FKBP5: variants seen among roughly 807,000 people sequenced by gnomAD.
FKBP5 encodes the protein FKBP prolyl isomerase 5.
In FKBP5, 23 loss-of-function variants were observed where a neutral mutation model predicts 50.5. The observed-to-expected ratio is 0.46, with a 90% CI of 0.33 to 0.65. The LOEUF (loss-of-function observed/expected upper bound fraction) is 0.65. Ranked by LOEUF, FKBP5 falls within the 30% of genes least tolerant of loss-of-function variation. The probability of loss-of-function intolerance (pLI) is 0.02; values close to 1 mark genes in which losing one functional copy is unlikely to be tolerated. For missense variants in FKBP5, 411 were observed against 553.1 expected, an observed-to-expected ratio of 0.74 and a Z score of 2.58; for synonymous variants, 176 against 190.6, an observed-to-expected ratio of 0.92 and a Z score of 0.63.
At chr6:35,680,692 G>A (rs928235812) in intron 1 of FKBP5, among the ~76,000 whole-genome samples, 1 of 152,158 alleles carries the variant, frequency 6.6e-6, no homozygotes, top group African/African-American at 2.4e-5. Context: ...AAACACCAAT[G>A]TCTTTCCTGC....
chr6:35,615,759 A>AAGAT (rs1195278142), intron 5 of FKBP5, among the ~76,000 whole-genome samples: 3 of 152,206 alleles, frequency 2.0e-5, no homozygotes, highest in Non-Finnish European at 2.9e-5. Flanking sequence ...GATACAAAAC[A>AAGAT]AGATAGTACT....
chr6:35,587,734 CTTCA>C (rs1762647981), intron 7 of FKBP5, among the ~76,000 whole-genome samples: 2 of 152,052 alleles, frequency 1.3e-5, no homozygotes, highest in Non-Finnish European at 2.9e-5. Context: ...AAATAAATGA[CTTCA>C]TTATCATCTG....
chr6:35,641,052 C>T (rs1764472036), intron 2 of FKBP5, among the ~76,000 whole-genome samples: 1 of 152,150 alleles, frequency 6.6e-6, no homozygotes, highest in African/African-American at 2.4e-5. Context: ...GATCATAGTT[C>T]ACTGCAGCTT....
At chr6:35,615,155 TACACACAC>T (rs34301531) in intron 5 of FKBP5, among the ~76,000 whole-genome samples, 7 of 143,538 alleles carry the variant, frequency 4.9e-5, no homozygotes, top group East Asian at 2.1e-4. Context: ...CAACAACAAC[TACACACAC>T]ACACACACAC....
chr6:35,589,342 T>A (rs1402597669), intron 7 of FKBP5, among the ~76,000 whole-genome samples: 1 of 151,814 alleles, frequency 6.6e-6, no homozygotes, highest in Non-Finnish European at 1.5e-5. Flanking sequence ...TTGGCCAGGC[T>A]GGTCTCAAAC....
At chr6:35,725,608 G>C (rs949415504) in intron 1 of FKBP5, among the ~76,000 whole-genome samples, 20 of 152,144 alleles carry the variant, frequency 1.3e-4, no homozygotes, top group Non-Finnish European at 2.6e-4. Context: ...TAAAGACGGG[G>C]AGTGGGAAGC....
chr6:35,691,483 C>T (rs928495909), upstream of FKBP5, among the ~76,000 whole-genome samples: 16 of 152,164 alleles, frequency 1.1e-4, no homozygotes, highest in Non-Finnish European at 2.1e-4. Flanking sequence ...CCAGGCTCTT[C>T]CAGGAGGAAG....
At chr6:35,668,778 T>C (rs998626313) in intron 1 of FKBP5, among the ~76,000 whole-genome samples, 3 of 152,166 alleles carry the variant, frequency 2.0e-5, no homozygotes, top group African/African-American at 7.2e-5. Flanking sequence ...AATGACACAA[T>C]TTCCATTTCT....
At chr6:35,677,590 C>T (rs1361600822) in intron 1 of FKBP5, among the ~76,000 whole-genome samples, 1 of 152,128 alleles carries the variant, frequency 6.6e-6, no homozygotes, top group Non-Finnish European at 1.5e-5. Flanking sequence ...CATCCTGGGC[C>T]ACAGTCTGTG....
intron 2 of FKBP5, among the ~76,000 whole-genome samples, chr6:35,639,852 C>T (rs533829658): frequency 6.6e-6 from 1 of 152,268 alleles, no homozygotes; most frequent in African/African-American, 2.4e-5. Flanking sequence ...AACTCAGCAT[C>T]CTGGTAATAT....
At chr6:35,616,338 A>G (rs200841782) in intron 5 of FKBP5, among the ~76,000 whole-genome samples, 7,034 of 146,000 alleles carry the variant, frequency 0.048, 229 homozygotes, top group Non-Finnish European at 0.076. Context: ...AAAAAAAAAA[A>G]AGTAAATACA....
intron 2 of FKBP5, among the ~76,000 whole-genome samples, chr6:35,697,267 G>T (rs1200899745): frequency 6.6e-6 from 1 of 152,164 alleles, no homozygotes; most frequent in Non-Finnish European, 1.5e-5. Context: ...ATGAAGTAAG[G>T]CCGGGAGCAG....
chr6:35,711,830 G>A (rs1293077594), intron 2 of FKBP5, among the ~76,000 whole-genome samples: 3 of 152,138 alleles, frequency 2.0e-5, no homozygotes, highest in Admixed American at 6.5e-5. Context: ...CACACAGTGT[G>A]TGTGTGTACT....
In FKBP5 at chr6:35,645,727, A is replaced by C. The variant is rs139052729; in HGVS notation, c.-19-2884T>G. On this transcript the variant is annotated intron_variant, in intron 1 of 10. Coordinates refer to ENST00000357266, the MANE Select transcript of FKBP5 (RefSeq NM_004117.4). Reference sequence around the variant, plus strand: ...GGGGTGAGGTGTCATGATATCTGCCACTTGCTTTCAAATCATCCAAAGACA... The same window carrying C: ...GGGGTGAGGTGTCATGATATCTGCCCCTTGCTTTCAAATCATCCAAAGACA... Among the ~76,000 whole-genome samples the C allele has an allele frequency of 7.1e-4, 108 of 152,330 alleles. No homozygotes were observed. The Middle Eastern group carries it at 0.01, about 14-fold the overall frequency.
intron 1 of FKBP5, among the ~76,000 whole-genome samples, chr6:35,653,888 T>C (rs1764879325): frequency 6.6e-6 from 1 of 152,104 alleles, no homozygotes; most frequent in Non-Finnish European, 1.5e-5. Context: ...CCCTGATGGA[T>C]AGTGGAAGAA....
intron 1 of FKBP5, among the ~76,000 whole-genome samples, chr6:35,656,747 T>G (rs549685455): frequency 6.3e-4 from 95 of 151,608 alleles, no homozygotes; most frequent in African/African-American, 2.2e-3. Context: ...AAATACAAAA[T>G]TTAGCAGGGC....
intron 1 of FKBP5, among the ~76,000 whole-genome samples, chr6:35,646,041 G>A (rs1764620373): frequency 6.6e-6 from 1 of 152,128 alleles, no homozygotes; most frequent in Non-Finnish European, 1.5e-5. Flanking sequence ...ACTTGAACCT[G>A]GGAGGCAGAA....
chr6:35,703,815 G>A (rs1766233925), intron 2 of FKBP5, among the ~76,000 whole-genome samples: 1 of 152,180 alleles, frequency 6.6e-6, no homozygotes, highest in South Asian at 2.1e-4. Flanking sequence ...TGGTCACAGT[G>A]GCAACAGAAG....
At chr6:35,625,348 G>A (rs918300675) in intron 3 of FKBP5, among the ~76,000 whole-genome samples, 3 of 152,028 alleles carry the variant, frequency 2.0e-5, no homozygotes, top group Non-Finnish European at 4.4e-5. Flanking sequence ...GCCTCCCGAA[G>A]TGCTGGGATT....
Sources: gnomAD v4.1 joint callset for allele counts (sites outside exome capture counted in the v4.1 genomes callset) on GRCh38, gnomAD v4.1.1 for gene constraint, MANE v1.5 for transcripts, NCBI Gene and HGNC (gene_info 2026-07-23, HGNC 2026-07-21) for gene names.